Variants in FUT8 observed in about 807,000 individuals in gnomAD.
FUT8 encodes the protein fucosyltransferase 8, also known as alpha-(1,6)-fucosyltransferase.
Under a neutral mutation model 71.3 loss-of-function variants are expected in FUT8, and 29 were observed. That is an observed-to-expected ratio of 0.41 (90% CI 0.30 to 0.55). The LOEUF is 0.55. Ranked by LOEUF, FUT8 falls within the 20% of genes least tolerant of loss-of-function variation. FUT8 has a pLI of 0.34. For synonymous variants in FUT8, 254 were observed against 239.3 expected (o/e 1.06, Z -0.57); for missense variants, 544 against 702.1 (o/e 0.77, Z 2.55).
chr14:65,743,371 G>A lies in FUT8; in HGVS notation c.*961G>A, dbSNP rs995638060. The A allele has an allele frequency of 2.0e-5, 3 of 151,760 alleles. No homozygotes were observed. The highest frequency in any genetic ancestry group is 7.3e-5 in the African/African-American group (3 of 41,360). 9.4% of individuals were successfully genotyped at this position (151,760 alleles called of 1,614,324 possible). On this transcript the variant is annotated 3_prime_UTR_variant, in exon 11 of 11. Transcript: ENST00000673929. ...TACAAAATTGCTAAGAACACTGTTT[G>A]GGAGCTTTCATTCTCATATTTTGGA...
In FUT8 at chr14:65,659,484, A is replaced by G. The variant is rs370345369; in HGVS notation, c.598-9759A>G. Reference sequence around the variant, plus strand: ...TAACTTAAAACTCTGACTTTTATTTAAAACGAAACATTTGGAGCAGCTTTT... The same window carrying G: ...TAACTTAAAACTCTGACTTTTATTTGAAACGAAACATTTGGAGCAGCTTTT... On this transcript the variant is annotated intron_variant, in intron 6 of 10. Coordinates refer to ENST00000673929, the MANE Select transcript of FUT8 (RefSeq NM_001371533.1). Among the ~76,000 whole-genome samples, 19 of 152,222 alleles carry G rather than the reference A, an allele frequency of 1.2e-4. 3 individuals are homozygous for G. Among genetic ancestry groups the G allele is most frequent in the African/African-American group, 4.3e-4 (18 of 41,584 alleles).
At chr14:65,520,573 T>G (rs1418537201) in intron 2 of FUT8, among the ~76,000 whole-genome samples, 1 of 152,150 alleles carries the variant, frequency 6.6e-6, no homozygotes, top group Non-Finnish European at 1.5e-5. Context: ...ATACATAGTT[T>G]GCTCATAACA....
intron 1 of FUT8, among the ~76,000 whole-genome samples, chr14:65,440,006 T>C (rs1459069910): frequency 9.9e-6 from 1 of 100,684 alleles, no homozygotes; most frequent in Non-Finnish European, 2.1e-5. Flanking sequence ...ACACACACAG[T>C]GGAATACTGT....
chr14:65,507,556 C>CTT (rs1210867605), intron 2 of FUT8, among the ~76,000 whole-genome samples: 7 of 152,190 alleles, frequency 4.6e-5, no homozygotes, highest in Non-Finnish European at 1.0e-4. Context: ...ACATGAGATG[C>CTT]TTGTCATTCT....
chr14:65,601,697 T>C (rs979525434), intron 3 of FUT8, among the ~76,000 whole-genome samples: 5 of 152,188 alleles, frequency 3.3e-5, no homozygotes, highest in Admixed American at 2.0e-4. Flanking sequence ...ATAATATTTT[T>C]ACAGTAATAT....
chr14:65,600,957 T>G (rs1888260057), intron 3 of FUT8, among the ~76,000 whole-genome samples: 1 of 152,204 alleles, frequency 6.6e-6, no homozygotes, highest in Non-Finnish European at 1.5e-5. Flanking sequence ...AGTAGTCTAG[T>G]ATACACTTGT....
chr14:65,433,786 T>TTCTCTCTCTCTCTCTCTCTCTATC (rs2065511814), intron 1 of FUT8, among the ~76,000 whole-genome samples: 1 of 144,870 alleles, frequency 6.9e-6, no homozygotes, highest in African/African-American at 2.7e-5. Context: ...CTTCTGTCTC[T>TTCTCTCTCTCTCTCTCTCTCTATC]TCTCTCTCTC....
At chr14:65,715,767 C>A (rs1895024339) in intron 7 of FUT8, among the ~76,000 whole-genome samples, 2 of 151,876 alleles carry the variant, frequency 1.3e-5, no homozygotes, top group African/African-American at 2.4e-5. Context: ...TGTATAGTTT[C>A]TAAAATTTAT....
At chr14:65,466,355 T>C (rs1349719210) in intron 2 of FUT8, among the ~76,000 whole-genome samples, 3 of 152,250 alleles carry the variant, frequency 2.0e-5, no homozygotes, top group African/African-American at 7.2e-5. Flanking sequence ...TTCTTTCTTT[T>C]TTCGTCTTTC....
intron 9 of FUT8, among the ~76,000 whole-genome samples, chr14:65,730,422 C>CCGAT: frequency 6.6e-6 from 1 of 152,222 alleles, no homozygotes; most frequent in South Asian, 2.1e-4. Flanking sequence ...GATTGTAATC[C>CCGAT]CAGCACTTTG....
At position 65,474,197 on chromosome 14, in the gene FUT8, A is replaced by G. The variant is rs543887349; in HGVS notation, c.-228+18479A>G. On this transcript the variant is annotated intron_variant, in intron 2 of 10. Transcript: ENST00000673929. Reference sequence around the variant, plus strand: ...AAAAACGATATATTGGGTACAATGTATGCTACTTTGGTGATGGGTGTAGTA... The same window carrying G: ...AAAAACGATATATTGGGTACAATGTGTGCTACTTTGGTGATGGGTGTAGTA... Among the ~76,000 whole-genome samples the G allele has an allele frequency of 3.9e-5, 6 of 152,132 alleles. No individual in the cohort carries two copies. In the East Asian group the frequency reaches 1.2e-3, roughly 29 times the overall value.
At chr14:65,504,407 A>C (rs752558655) in intron 2 of FUT8, among the ~76,000 whole-genome samples, 1 of 152,168 alleles carries the variant, frequency 6.6e-6, no homozygotes, top group Non-Finnish European at 1.5e-5. Context: ...ACTTCTAGAT[A>C]ATTGATGTTT....
the FUT8 span, among the ~76,000 whole-genome samples, chr14:65,373,275 T>C: frequency 1.3e-5 from 2 of 151,692 alleles, no homozygotes; most frequent in Non-Finnish European, 2.9e-5. Context: ...CAGGCATTCC[T>C]GTTTTTGCAC....
intron 3 of FUT8, among the ~76,000 whole-genome samples, chr14:65,584,469 C>T (rs1210169255): frequency 2.6e-5 from 4 of 152,174 alleles, no homozygotes; most frequent in Non-Finnish European, 5.9e-5. Flanking sequence ...CATGAGCCTC[C>T]GCGCCCAGTC....
At chr14:65,409,382 TG>T (rs1361075063), upstream of FUT8, among the ~76,000 whole-genome samples, 1 of 152,234 alleles carries the variant, frequency 6.6e-6, no homozygotes, top group African/African-American at 2.4e-5. The surrounding 1 kb of genome is among the most constrained non-coding windows in gnomAD (Gnocchi z 5.4). Context: ...AACCCCTTGC[TG>T]GAACTCCACA....
At position 65,521,036 on chromosome 14, in the gene FUT8, T is replaced by A. The variant is rs540992396; in HGVS notation, c.-227-40301T>A. Among the ~76,000 whole-genome samples the A allele has an allele frequency of 1.8e-4, 27 of 152,286 alleles. 1 individual carries two copies. In the South Asian group the frequency reaches 3.5e-3, roughly 20 times the overall value. ...AATAAGCCCATTCCAGTTTAATGAA[T>A]ATGATAATTTGAAATCCAGGTAGAA... On this transcript the variant is annotated intron_variant, in intron 2 of 10. Coordinates refer to ENST00000673929, the MANE Select transcript of FUT8 (RefSeq NM_001371533.1).
intron 6 of FUT8, among the ~76,000 whole-genome samples, chr14:65,634,561 T>TA (rs35052434): frequency 0.48 from 59,660 of 123,710 alleles, 16,758 homozygotes; most frequent in Non-Finnish European, 0.64. Flanking sequence ...AATGATCAAT[T>TA]AAAAAAAAAA....
At chr14:65,455,982 T>C (rs1370200826) in intron 2 of FUT8, among the ~76,000 whole-genome samples, 2 of 152,214 alleles carry the variant, frequency 1.3e-5, no homozygotes, top group Non-Finnish European at 2.9e-5. Flanking sequence ...ATAAAACAAG[T>C]TGTGGTTGAA....
chr14:65,702,892 G>A (rs558615737), intron 7 of FUT8, among the ~76,000 whole-genome samples: 1 of 152,214 alleles, frequency 6.6e-6, no homozygotes, highest in South Asian at 2.1e-4. Context: ...GACTACAGGT[G>A]CATGCCACCA....
Sources: allele counts gnomAD v4.1 joint callset (sites outside exome capture counted in the v4.1 genomes callset), GRCh38; gene constraint gnomAD v4.1.1; non-coding constraint Gnocchi (gnomAD v3.1); transcripts MANE v1.5; gene names NCBI Gene and HGNC (gene_info 2026-07-23, HGNC 2026-07-21).